SPAG9: variants seen among roughly 807,000 people sequenced by gnomAD.
SPAG9 encodes C-Jun-amino-terminal kinase-interacting protein 4.
Under a neutral mutation model 166.5 loss-of-function variants are expected in SPAG9, and 35 were observed. The ratio of observed to expected loss-of-function variants is 0.21; its 90% CI spans 0.16 to 0.28. The LOEUF (loss-of-function observed/expected upper bound fraction) is 0.28, where lower values mean the gene tolerates loss of function less well. SPAG9 is among the 10% of genes least tolerant of loss of function. The pLI, the probability that SPAG9 is intolerant of heterozygous loss-of-function variation, is 1.00. For synonymous variants in SPAG9, 534 were observed against 565.5 expected, an observed-to-expected ratio of 0.94 and a Z score of 0.79; for missense variants, 1,235 against 1,603.3, an observed-to-expected ratio of 0.77 and a Z score of 3.92.
chr17:51,054,745 T>C (rs1221332769), intron 3 of SPAG9, among the ~76,000 whole-genome samples: 1 of 152,032 alleles, frequency 6.6e-6, no homozygotes. Context: ...CAAATGTGGG[T>C]ATTTTTTACC....
rs561858718 is a variant in SPAG9 at position 51,091,893 on chromosome 17, C to T, written c.304-12189G>A. Among the ~76,000 whole-genome samples, 5 of 150,112 alleles carry T rather than the reference C, an allele frequency of 3.3e-5. No individual in the cohort carries two copies. In the East Asian group the frequency reaches 9.8e-4, roughly 29 times the overall value. On this transcript the variant is annotated intron_variant, in intron 1 of 29. Coordinates refer to ENST00000262013, the MANE Select transcript of SPAG9 (RefSeq NM_001130528.3). ...GTAAGCTTTGTGATGAAGCAAAATGCTTTTAAGTCCAGATGGCTTATAGGG... is the reference window on the plus strand; with the variant it reads ...GTAAGCTTTGTGATGAAGCAAAATGTTTTTAAGTCCAGATGGCTTATAGGG...
intron 5 of SPAG9, among the ~76,000 whole-genome samples, chr17:51,037,737 A>G (rs968529746): frequency 8.2e-5 from 11 of 133,380 alleles, no homozygotes; most frequent in Non-Finnish European, 1.1e-4. Flanking sequence ...CATTTTTTTA[A>G]AAAAAGGAAA....
At position 51,044,455 on chromosome 17, in the gene SPAG9, T is replaced by C. The variant is rs565204735; in HGVS notation, c.591-2804A>G. Among the ~76,000 whole-genome samples the C allele has an allele frequency of 3.3e-5, 5 of 152,308 alleles. No individual in the cohort carries two copies. The Middle Eastern group carries it at 0.014, about 414-fold the overall frequency. On this transcript the variant is annotated intron_variant, in intron 4 of 29. Transcript: ENST00000262013. ...CTACTTCCATATATCCATTTTTGAGTTGGTTATTAAATGTTAGCTTATGTA... is the reference window on the plus strand; with the variant it reads ...CTACTTCCATATATCCATTTTTGAGCTGGTTATTAAATGTTAGCTTATGTA...
intron 2 of SPAG9, among the ~76,000 whole-genome samples, chr17:51,067,217 T>C (rs561895808): frequency 5.3e-5 from 8 of 152,268 alleles, no homozygotes; most frequent in Admixed American, 5.2e-4. Context: ...ATACTTACAA[T>C]AACTCAGTAC....
intron 8 of SPAG9, 27 bp from the exon 9 acceptor site, chr17:51,014,380 A>G: frequency 6.3e-7 from 1 of 1,586,298 alleles, no homozygotes; most frequent in Non-Finnish European, 8.6e-7. Context: ...ACAAAACCAA[A>G]TCAACAAATG....
rs1427779733 is a variant in SPAG9 at position 50,962,207 on chromosome 17, T to G, written c.*4065A>C. 1.3e-5 allele frequency: 2 copies of G among 152,244 alleles called. No homozygotes were observed. The highest frequency in any genetic ancestry group is 6.5e-5 in the Admixed American group (1 of 15,286). 9.4% of individuals were successfully genotyped at this position (152,244 alleles called of 1,614,324 possible). ...CATATACATATTTATATATATCTCA[T>G]GTACAAAGTTACATTCTGAACCCCA... On this transcript the variant is annotated 3_prime_UTR_variant, in exon 30 of 30. Coordinates refer to ENST00000262013, the MANE Select transcript of SPAG9 (RefSeq NM_001130528.3).
At chr17:51,100,729 G>A (rs1598182741) in intron 1 of SPAG9, among the ~76,000 whole-genome samples, 1 of 152,162 alleles carries the variant, frequency 6.6e-6, no homozygotes, top group East Asian at 1.9e-4. Context: ...AGACCAGCCT[G>A]ACTAACATGG....
At chr17:51,067,110 T>C (rs1268701195) in intron 2 of SPAG9, among the ~76,000 whole-genome samples, 1 of 152,184 alleles carries the variant, frequency 6.6e-6, no homozygotes, top group Non-Finnish European at 1.5e-5. Context: ...ATAAAGATCA[T>C]ATATAATTGA....
intron 3 of SPAG9, among the ~76,000 whole-genome samples, chr17:51,055,033 A>G (rs1353063940): frequency 6.6e-6 from 1 of 152,126 alleles, no homozygotes; most frequent in Non-Finnish European, 1.5e-5. Context: ...CTAGTATTAA[A>G]ACATTTTTTT....
intron 28 of SPAG9, among the ~76,000 whole-genome samples, chr17:50,971,517 G>C (rs1178827703): frequency 1.4e-5 from 2 of 138,076 alleles, no homozygotes; most frequent in East Asian, 4.2e-4. Context: ...GCCCAGGCTG[G>C]AGTGCAGTGG....
intron 2 of SPAG9, among the ~76,000 whole-genome samples, chr17:51,068,535 A>ACGTAGGGACTTTAG (rs1429707736): frequency 1.3e-5 from 2 of 152,116 alleles, no homozygotes; most frequent in African/African-American, 4.8e-5. Flanking sequence ...TAAAGTCTCT[A>ACGTAGGGACTTTAG]CGTAGGGACA....
In SPAG9 at chr17:51,077,109, T is replaced by G. The variant is rs62062989; in HGVS notation, c.424+2475A>C. On this transcript the variant is annotated intron_variant, in intron 2 of 29. Coordinates refer to ENST00000262013, the MANE Select transcript of SPAG9 (RefSeq NM_001130528.3). ...AGCTAGCTATCTATCTAGCTAGCTA[T>G]CTAGCTATCTAGCTAGCTATCTATC... 5.5e-3 allele frequency among the ~76,000 whole-genome samples: 706 copies of G among 129,266 alleles called. 2 individuals carry two copies. The highest frequency in any genetic ancestry group is 0.012 in the Middle Eastern group (3 of 252). 84.8% of individuals were successfully genotyped at this position (129,266 alleles called of 152,430 possible).
At chr17:51,066,567 G>GAAGAAAA (rs2047674428) in intron 2 of SPAG9, among the ~76,000 whole-genome samples, 2 of 110,838 alleles carry the variant, frequency 1.8e-5, no homozygotes, top group Admixed American at 2.2e-4. Context: ...AAAAAAAAAA[G>GAAGAAAA]AAAAAAAAAA....
At chr17:51,095,978 T>TATATATATAGTGATATATATATAGTG (rs1568083873) in intron 1 of SPAG9, among the ~76,000 whole-genome samples, 1 of 47,154 alleles carries the variant, frequency 2.1e-5, no homozygotes, top group African/African-American at 8.0e-5. Context: ...TATAGTGATA[T>TATATATATAGTGATATATATATAGTG]ATATATATAT....
chr17:50,980,244 C>T (rs1254881833), intron 25 of SPAG9, among the ~76,000 whole-genome samples: 4 of 151,930 alleles, frequency 2.6e-5, no homozygotes, highest in African/African-American at 9.7e-5. Context: ...TTACTCTTGT[C>T]GCCCAGGCTG....
At chr17:50,983,250 A>G (rs1018539003) in intron 24 of SPAG9, among the ~76,000 whole-genome samples, 2 of 152,222 alleles carry the variant, frequency 1.3e-5, no homozygotes, top group African/African-American at 2.4e-5. Flanking sequence ...ACACCTAGCT[A>G]AAGTCTGTCT....
intron 9 of SPAG9, among the ~76,000 whole-genome samples, chr17:51,007,528 A>G (rs899178114): frequency 6.6e-6 from 1 of 152,116 alleles, no homozygotes; most frequent in Non-Finnish European, 1.5e-5. Flanking sequence ...GAACAAGGCT[A>G]AAGATTTTGT....
rs931496007 is a variant in SPAG9, at chr17:50,999,126, G to T, written c.1665-509C>A. ...GCTCAATTTAAACAACTACTTTCGG[G>T]TCTATTTCTTTTTTAATTGACACTT... On this transcript the variant is annotated intron_variant, in intron 14 of 29. Coordinates refer to ENST00000262013, the MANE Select transcript of SPAG9 (RefSeq NM_001130528.3). Among the ~76,000 whole-genome samples the T allele has an allele frequency of 2.0e-5, 3 of 151,998 alleles. No individual in the cohort carries two copies. In the East Asian group the frequency reaches 5.8e-4, roughly 29 times the overall value.
intron 5 of SPAG9, 93 bp downstream of exon 5, chr17:51,041,408 C>T: frequency 8.5e-7 from 1 of 1,175,090 alleles, no homozygotes; most frequent in Non-Finnish European, 1.2e-6. Flanking sequence ...CAAACAATTA[C>T]ATTTTACTAT....
Sources: gnomAD v4.1 joint callset for allele counts (sites outside exome capture counted in the v4.1 genomes callset) on GRCh38, gnomAD v4.1.1 for gene constraint, MANE v1.5 for transcripts, NCBI Gene and HGNC (gene_info 2026-07-23, HGNC 2026-07-21) for gene names.